Variants in POLD1 observed in about 807,000 individuals in gnomAD.
POLD1 encodes the protein DNA polymerase delta 1, catalytic subunit.
In POLD1, 79 loss-of-function variants were observed where a neutral mutation model predicts 129.7. The observed-to-expected ratio is 0.61, with a 90% CI of 0.51 to 0.73. The LOEUF (loss-of-function observed/expected upper bound fraction) is 0.73, where lower values mean the gene tolerates loss of function less well. Ranked by LOEUF, POLD1 falls within the 30% of genes least tolerant of loss-of-function variation. POLD1 has a pLI of 0.00. For synonymous variants in POLD1, 714 were observed against 683.3 expected (o/e 1.04, Z -0.70); for missense variants, 1,338 against 1,595.8 (o/e 0.84, Z 2.75).
At chr19:50,392,003 C>A (rs1159198248) in intron 1 of POLD1, among the ~76,000 whole-genome samples, 3 of 152,124 alleles carry the variant, frequency 2.0e-5, no homozygotes, top group Non-Finnish European at 2.9e-5. Flanking sequence ...AGGCGTGAGC[C>A]ACTGCACCTG....
chr19:50,413,412 T>C lies in POLD1; in HGVS notation c.2155-14T>C, dbSNP rs2122437277. 5 of 1,610,776 alleles carry C rather than the reference T, an allele frequency of 3.1e-6. No individual in the cohort carries two copies. Among genetic ancestry groups the C allele is most frequent in the Non-Finnish European group, 4.2e-6 (5 of 1,178,110 alleles). Reference sequence around the variant, plus strand: ...CCCCCAGGGCTTCACTCCGCATGATTCTCTCCCCGACAGAGCGTCACGGGG... The same window carrying C: ...CCCCCAGGGCTTCACTCCGCATGATCCTCTCCCCGACAGAGCGTCACGGGG... On this transcript the variant is annotated splice_polypyrimidine_tract_variant and intron_variant, in intron 17 of 26. Transcript: ENST00000440232.
intron 1 of POLD1, among the ~76,000 whole-genome samples, chr19:50,390,734 T>C (rs1249403956): frequency 6.6e-6 from 1 of 152,180 alleles, no homozygotes; most frequent in African/African-American, 2.4e-5. Flanking sequence ...CCTTCCGCAG[T>C]GTTTGTGTCC....
chr19:50,389,433 G>C (rs3219312), intron 1 of POLD1, among the ~76,000 whole-genome samples: 3,320 of 151,986 alleles, frequency 0.022, 119 homozygotes, highest in African/African-American at 0.074. Flanking sequence ...CCAGCAGTCA[G>C]CTCTTAAGAA....
rs758260006 is a variant in POLD1 at position 50,409,556 on chromosome 19, C to T, written c.2044C>T (p.Arg682Trp). 3 of 1,613,528 alleles carry T rather than the reference C, an allele frequency of 1.9e-6. No homozygotes were observed. Among genetic ancestry groups the T allele is most frequent in the Admixed American group, 3.3e-5 (2 of 60,026 alleles). Residue 682 changes from arginine (R) to tryptophan (W), a missense_variant, in exon 17 of 27, where the codon CGG becomes TGG. Physicochemically the swap from Arg to Trp is moderately radical, Grantham distance 101 (BLOSUM62 -3). This residue lies in a region of POLD1 where 720 missense variants were observed against 1,002.6 expected (regional missense o/e 0.72). Transcript: ENST00000440232. The surrounding 1 kb of genome is among the most constrained non-coding windows in gnomAD (Gnocchi z 5.8). ...GCTGGCCAAGGAGACAGACCCCCTC[C>T]GGCGCCAGGTCCTGGATGGACGGCA... ...AELAKETDPL[R>W]RQVLDGRQLA...
In POLD1 at chr19:50,389,887, GTT is replaced by G. The variant is rs111716675; in HGVS notation, c.-2+5507_-2+5508del. Among the ~76,000 whole-genome samples, 257 of 141,392 alleles carry G rather than the reference GTT, an allele frequency of 1.8e-3. 2 individuals carry two copies. Among genetic ancestry groups the G allele is most frequent in the African/African-American group, 6.0e-3 (236 of 39,370 alleles). The allele number at this position is 141,392 out of a possible 152,430, so 92.8% of individuals were successfully genotyped here. A position where few individuals can be genotyped will look rare whatever the true frequency, so the allele number is the denominator to read the frequency against. On this transcript the variant is annotated intron_variant, in intron 1 of 26. Transcript: ENST00000440232. ...AGGCGTGAGCCACCATGTCCAGCCT[GTT>G]TTTTTTTTTGTTTTTTGTTTTGTTT...
intron 1 of POLD1, among the ~76,000 whole-genome samples, chr19:50,389,911 G>GTT (rs565529491): frequency 7.3e-6 from 1 of 136,868 alleles, no homozygotes; most frequent in Non-Finnish European, 1.6e-5. Flanking sequence ...TTTTTGTTTT[G>GTT]TTTTTTTTTT....
chr19:50,407,724 A>C (rs956289019), intron 14 of POLD1, among the ~76,000 whole-genome samples: 2 of 121,702 alleles, frequency 1.6e-5, no homozygotes, highest in Admixed American at 1.5e-4. Flanking sequence ...ACGCCTGGCT[A>C]ATTTTTTTTT....
In POLD1 at chr19:50,417,937, A is replaced by G. The variant is rs1256482040; in HGVS notation, c.3314A>G (p.Glu1105Gly). 4 of 1,599,268 alleles carry G rather than the reference A, an allele frequency of 2.5e-6. No homozygotes were observed. The highest frequency in any genetic ancestry group is 1.7e-6 in the Non-Finnish European group (2 of 1,168,918). The change falls in exon 27 of 27, where the codon GAG (glutamate) becomes GGG (glycine). Residue 1105 changes from glutamate (E) to glycine (G), a missense_variant. Transcript: ENST00000440232. ...CGGCGCTTCGGACCCCCTGGACCTG[A>G]GGCCTGGTGACCTTGCAAGCATCCC... is the stretch of plus-strand genomic sequence containing the variant. ...LLRRFGPPGP[E>G]AW
chr19:50,416,226 T>A, intron 22 of POLD1, 170 bp from the exon 23 acceptor site: 1 of 647,634 alleles, frequency 1.5e-6, no homozygotes, highest in African/African-American at 1.8e-5. Flanking sequence ...CCCTACAGAC[T>A]CTGTGGCCCA....
rs759844195 is a variant in POLD1, at chr19:50,401,772, C to G, written c.317-6C>G. 6.2e-7 allele frequency: 1 copy of G among 1,611,592 alleles called. No individual in the cohort carries two copies. The highest frequency in any genetic ancestry group is 8.5e-7 in the Non-Finnish European group (1 of 1,179,798). ...ATGGCCGCTGTCTTACCCTGTGACC[C>G]CACAGGCCCAGCGCAGCCTGTGCCT... On this transcript the variant is annotated splice_polypyrimidine_tract_variant and splice_region_variant and intron_variant, in intron 3 of 26. Transcript: ENST00000440232.
chr19:50,408,978 C>T (rs2038997898), intron 15 of POLD1, 77 bp downstream of exon 15: 3 of 1,455,000 alleles, frequency 2.1e-6, no homozygotes, highest in Non-Finnish European at 2.8e-6. Flanking sequence ...TGGTGGGGGG[C>T]ATAGGCACAG....
intron 17 of POLD1, among the ~76,000 whole-genome samples, chr19:50,411,703 G>A (rs2122417373): frequency 6.6e-6 from 1 of 152,178 alleles, no homozygotes; most frequent in African/African-American, 2.4e-5. Flanking sequence ...AGCCAGGAGT[G>A]GTGGCAGGTG....
In POLD1 at chr19:50,409,676, C is replaced by T. The variant is rs781346217; in HGVS notation, c.2154+10C>T. On this transcript the variant is annotated intron_variant, in intron 17 of 26. Transcript: ENST00000440232. This position sits in a 1 kb window ranked among gnomAD's most constrained non-coding sequence, Gnocchi z 5.8. ...CCTGGAGATCTCACAGGTGGGCACT[C>T]GGGCCCCTGGAAGGCAACTGGGGGC... is the stretch of plus-strand genomic sequence containing the variant. The T allele has an allele frequency of 1.0e-5, 16 of 1,590,448 alleles. No homozygotes were observed. The highest frequency in any genetic ancestry group is 1.9e-4 in the Middle Eastern group (1 of 5,248).
chr19:50,395,247 A>G (rs2038312720), intron 1 of POLD1: 1 of 145,820 alleles, frequency 6.9e-6, no homozygotes, highest in African/African-American at 2.7e-5. Flanking sequence ...GGGTACAGGT[A>G]CTTTTTAAAA....
At position 50,414,991 on chromosome 19, in the gene POLD1, G is replaced by C; in HGVS notation, c.2564+1G>C. 1 of 1,567,750 alleles carries C rather than the reference G, an allele frequency of 6.4e-7. No individual in the cohort carries two copies. The highest frequency in any genetic ancestry group is 8.6e-7 in the Non-Finnish European group (1 of 1,156,092). Reference sequence around the variant, plus strand: ...CACTGCGCCGCCTGCTCATCGACCGGTGTGTGGGGCCTCCTCCCTCAGACT... The same window carrying C: ...CACTGCGCCGCCTGCTCATCGACCGCTGTGTGGGGCCTCCTCCCTCAGACT... On this transcript the variant is annotated splice_donor_variant, in intron 20 of 26. Transcript: ENST00000440232. LOFTEE classifies it high-confidence loss of function.
In POLD1 at chr19:50,395,845, T is replaced by C. The variant is rs948640511; in HGVS notation, c.-1-3006T>C. Among the ~76,000 whole-genome samples the C allele has an allele frequency of 4.0e-5, 6 of 148,358 alleles. No individual in the cohort carries two copies. In the South Asian group the frequency reaches 1.3e-3, roughly 32 times the overall value. ...CACCCACTTAAGTTTAACCTGCATATAACCTTGTCTAATCAACCAGAGGAT... is the reference window on the plus strand; with the variant it reads ...CACCCACTTAAGTTTAACCTGCATACAACCTTGTCTAATCAACCAGAGGAT... On this transcript the variant is annotated intron_variant, in intron 1 of 26. Coordinates refer to ENST00000440232, the MANE Select transcript of POLD1 (RefSeq NM_002691.4).
Position 50,416,502 on chromosome 19 carries a change from A to T in POLD1, c.2927A>T (p.Glu976Val), listed in dbSNP as rs1431752851. The T allele has an allele frequency of 1.4e-5, 21 of 1,552,422 alleles. No homozygotes were observed. Among genetic ancestry groups the T allele is most frequent in the Non-Finnish European group, 1.7e-5 (20 of 1,149,164 alleles). Residue 976 changes from glutamate (E) to valine (V), a missense_variant, in exon 23 of 27, where the codon GAG (glutamate) becomes GTG (valine). Around this residue, in one of 3 missense-constraint regions of POLD1, gnomAD observed 286 missense variants for 277.5 expected, o/e 1.03. Coordinates refer to ENST00000440232, the MANE Select transcript of POLD1 (RefSeq NM_002691.4). ...CGCATCTTCGAGCCCATCCTGGGCG[A>T]GGGCCGTGCCGAGGCTGTGCTACTG... ...LLRIFEPILG[E>V]GRAEAVLLRG...
intron 1 of POLD1, among the ~76,000 whole-genome samples, chr19:50,386,977 G>A (rs951085211): frequency 3.9e-5 from 6 of 152,214 alleles, no homozygotes; most frequent in Admixed American, 2.0e-4. Flanking sequence ...CAGATCATGA[G>A]GTCAGGAGAC....
chr19:50,416,071 G>A (rs150740325), intron 22 of POLD1: 4 of 561,900 alleles, frequency 7.1e-6, no homozygotes, highest in Non-Finnish European at 9.4e-6. Flanking sequence ...CTCCCCAGCC[G>A]GGGGTTCCCT....
Sources: gnomAD v4.1 joint callset for allele counts (sites outside exome capture counted in the v4.1 genomes callset) on GRCh38, gnomAD v4.1.1 for gene constraint, gnomAD v4.1.1 regional missense constraint, Gnocchi (gnomAD v3.1) non-coding constraint, MANE v1.5 for transcripts, NCBI Gene and HGNC (gene_info 2026-07-23, HGNC 2026-07-21) for gene names.